The following FAAH2 variants were observed in gnomAD, a reference collection of about 807,000 sequenced individuals.
FAAH2 encodes the protein fatty-acid amide hydrolase 2.
In FAAH2, 60 loss-of-function variants were observed where a neutral mutation model predicts 36.9. That is an observed-to-expected ratio of 1.63 (90% CI 1.32 to 2.02). The LOEUF (loss-of-function observed/expected upper bound fraction) is 2.02. FAAH2 is among the 30% of genes most tolerant of loss of function. The pLI, the probability that FAAH2 is intolerant of heterozygous loss-of-function variation, is 0.00. For synonymous variants in FAAH2, 214 were observed against 143.8 expected, an observed-to-expected ratio of 1.49 and a Z score of -3.49; for missense variants, 689 against 397.5, an observed-to-expected ratio of 1.73 and a Z score of -6.23.
the FAAH2 span, among the ~76,000 whole-genome samples, chrX:57,176,320 C>G: frequency 4.6e-5 from 5 of 109,428 alleles, no homozygotes; most frequent in Non-Finnish European, 9.5e-5. Flanking sequence ...AATTCAAAAG[C>G]TTTCTCTTTG....
chrX:57,232,534 T>C, the FAAH2 span, among the ~76,000 whole-genome samples: 46 of 112,245 alleles, frequency 4.1e-4, no homozygotes, highest in East Asian at 9.2e-3. Flanking sequence ...TCTCAGAATA[T>C]GGGAGGAGAC....
intron 7 of FAAH2, among the ~76,000 whole-genome samples, chrX:57,388,924 C>T (rs775548823): frequency 9.1e-6 from 1 of 109,895 alleles, no homozygotes; most frequent in East Asian, 2.9e-4. Context: ...CATGTCTTTT[C>T]GTGGCTTGGT....
chrX:57,158,117 C>A, the FAAH2 span, among the ~76,000 whole-genome samples: 3,382 of 111,129 alleles, frequency 0.03, 115 homozygotes, highest in African/African-American at 0.11. Flanking sequence ...TCTGTCCCTG[C>A]GATAGTTTGC....
At chrX:57,395,969 G>A (rs2055285603) in intron 7 of FAAH2, among the ~76,000 whole-genome samples, 1 of 111,697 alleles carries the variant, frequency 9.0e-6, no homozygotes, top group Non-Finnish European at 1.9e-5. Context: ...AATCAATCTG[G>A]TCCTGGGCCA....
At chrX:57,484,284 C>A (rs1023662676) in intron 10 of FAAH2, among the ~76,000 whole-genome samples, 3 of 111,010 alleles carry the variant, frequency 2.7e-5, no homozygotes, top group Non-Finnish European at 5.7e-5. Flanking sequence ...GCTGGGGAGA[C>A]ACACCTGATC....
At chrX:57,465,944 C>T (rs1429761031) in intron 10 of FAAH2, among the ~76,000 whole-genome samples, 1 of 109,413 alleles carries the variant, frequency 9.1e-6, no homozygotes, top group Non-Finnish European at 1.9e-5. Flanking sequence ...AAGAAAATGA[C>T]ACTCAACCAT....
intron 5 of FAAH2, among the ~76,000 whole-genome samples, chrX:57,357,129 A>AT (rs1390886733): frequency 9.0e-6 from 1 of 111,701 alleles, no homozygotes; most frequent in Non-Finnish European, 1.9e-5. Context: ...CCGGCTAGCC[A>AT]TATGCAGAAA....
chrX:57,194,841 T>C, the FAAH2 span, among the ~76,000 whole-genome samples: 1 of 111,766 alleles, frequency 8.9e-6, no homozygotes, highest in Admixed American at 9.5e-5. Flanking sequence ...AAGTGTTTCA[T>C]TTTCCATTCC....
chrX:57,273,432 C>T, the FAAH2 span, among the ~76,000 whole-genome samples: 3 of 111,731 alleles, frequency 2.7e-5, no homozygotes, highest in African/African-American at 9.8e-5. Flanking sequence ...CTACAGAATT[C>T]TCCACCCCAA....
chrX:57,271,459 G>A, the FAAH2 span, among the ~76,000 whole-genome samples: 1 of 112,325 alleles, frequency 8.9e-6, no homozygotes, highest in Non-Finnish European at 1.9e-5. Context: ...ACCCCCGTGT[G>A]TACTGACTAG....
At chrX:57,471,169 C>T (rs1461745407) in intron 10 of FAAH2, among the ~76,000 whole-genome samples, 1 of 111,536 alleles carries the variant, frequency 9.0e-6, no homozygotes, top group Non-Finnish European at 1.9e-5. Flanking sequence ...GGAAGCATTC[C>T]CTTTGGAAAC....
At chrX:57,152,916 C>A in the FAAH2 span, among the ~76,000 whole-genome samples, 8 of 110,329 alleles carry the variant, frequency 7.3e-5, no homozygotes, top group South Asian at 3.9e-4. Flanking sequence ...TGGCTCCCCC[C>A]CCGCTGACCT....
chrX:57,335,733 C>T (rs1050288174), intron 4 of FAAH2, among the ~76,000 whole-genome samples: 1 of 111,826 alleles, frequency 8.9e-6, no homozygotes, highest in Non-Finnish European at 1.9e-5. Flanking sequence ...ACAGTCAGGT[C>T]TTTCCCTTCC....
intron 3 of FAAH2, among the ~76,000 whole-genome samples, chrX:57,314,475 C>G (rs777684976): frequency 1.4e-3 from 152 of 111,475 alleles, no homozygotes; most frequent in Non-Finnish European, 2.3e-3. Flanking sequence ...TCTACACGGT[C>G]AGTCATACTT....
chrX:57,332,204 C>A (rs548384002), intron 4 of FAAH2, among the ~76,000 whole-genome samples: 1 of 112,442 alleles, frequency 8.9e-6, no homozygotes, highest in East Asian at 2.8e-4. Context: ...GCTACATAGA[C>A]ATTTGAGACT....
the FAAH2 span, among the ~76,000 whole-genome samples, chrX:57,154,713 G>T: frequency 9.0e-6 from 1 of 110,847 alleles, no homozygotes; most frequent in African/African-American, 3.3e-5. Flanking sequence ...TTGCTGGTGA[G>T]CTAGTGTAAT....
intron 7 of FAAH2, among the ~76,000 whole-genome samples, chrX:57,381,812 G>A (rs758534533): frequency 9.0e-6 from 1 of 111,240 alleles, no homozygotes; most frequent in East Asian, 2.8e-4. Context: ...ATTCAGCTCT[G>A]CACCAAGCAG....
At chrX:57,221,017 G>A in the FAAH2 span, among the ~76,000 whole-genome samples, 1 of 111,626 alleles carries the variant, frequency 9.0e-6, no homozygotes, top group Non-Finnish European at 1.9e-5. Context: ...TTAATACCAG[G>A]CAACCTACTC....
At position 57,383,273 on chromosome X, in the gene FAAH2, C is replaced by T. The variant is rs187945758; in HGVS notation, c.996+2244C>T. On this transcript the variant is annotated intron_variant, in intron 7 of 10. Transcript: ENST00000374900. The stretch of plus-strand genomic sequence containing the variant: ...CCCTTTGAAAACTGGCACAAGACAG[C>T]GATGCTGTCTCTCACCACTCCTATG... Among the ~76,000 whole-genome samples the T allele has an allele frequency of 2.2e-4, 25 of 111,904 alleles. No homozygotes were observed. The East Asian group carries it at 2.3e-3, about 10-fold the overall frequency.
Sources: allele counts gnomAD v4.1 joint callset (sites outside exome capture counted in the v4.1 genomes callset), GRCh38; gene constraint gnomAD v4.1.1; transcripts MANE v1.5; gene names NCBI Gene and HGNC (gene_info 2026-07-23, HGNC 2026-07-21).